PUDP: variants seen among roughly 807,000 people sequenced by gnomAD.
The protein encoded by PUDP is pseudouridine-5'-phosphatase.
A neutral mutation model predicts 9.4 loss-of-function variants in PUDP; 8 were observed. That is an observed-to-expected ratio of 0.85 (90% CI 0.50 to 1.53). The LOEUF is 1.53. Among genes scored for constraint, PUDP ranks in the 40% most tolerant of loss-of-function variants. PUDP has a pLI of 0.00. For missense variants in PUDP, 188 were observed against 189.7 expected, an observed-to-expected ratio of 0.99 and a Z score of 0.05; for synonymous variants, 99 against 80.7, an observed-to-expected ratio of 1.23 and a Z score of -1.22.
chrX:7,074,339 G>A (rs1268142167), intron 3 of PUDP, among the ~76,000 whole-genome samples: 2 of 112,229 alleles, frequency 1.8e-5, no homozygotes, highest in Non-Finnish European at 3.8e-5. Context: ...CACCGCCTAT[G>A]GCCTGGACAA....
chrX:6,894,919 C>T (rs1352891546), intron 3 of PUDP, among the ~76,000 whole-genome samples: 1 of 111,368 alleles, frequency 9.0e-6, no homozygotes, highest in Non-Finnish European at 1.9e-5. Flanking sequence ...GTGCACGTTT[C>T]AACAATTACT....
intron 2 of PUDP, among the ~76,000 whole-genome samples, chrX:7,099,641 C>T (rs761451798): frequency 1.8e-5 from 2 of 112,093 alleles, no homozygotes; most frequent in South Asian, 7.5e-4. Flanking sequence ...CACTCTGCCT[C>T]GTCTTTCAAG....
At chrX:6,968,203 T>C (rs921742579) in intron 3 of PUDP, among the ~76,000 whole-genome samples, 4 of 112,211 alleles carry the variant, frequency 3.6e-5, no homozygotes, top group Non-Finnish European at 7.5e-5. Context: ...GGGGACCCCT[T>C]GGCCCCTACA....
intron 1 of PUDP, 79 bp from the exon 2 acceptor site, chrX:7,105,917 A>G (rs1931870399): frequency 4.6e-6 from 3 of 645,769 alleles, no homozygotes; most frequent in African/African-American, 4.5e-5. Flanking sequence ...ATAAACATAC[A>G]CTGTGTAGGT....
At chrX:6,910,565 C>T (rs1047377828) in intron 3 of PUDP, among the ~76,000 whole-genome samples, 1 of 111,693 alleles carries the variant, frequency 9.0e-6, no homozygotes, top group Non-Finnish European at 1.9e-5. Context: ...GAAAGTGTCT[C>T]CAAGTTTGAG....
chrX:6,945,602 C>A (rs768378998), intron 3 of PUDP, among the ~76,000 whole-genome samples: 1 of 111,041 alleles, frequency 9.0e-6, no homozygotes, highest in Non-Finnish European at 1.9e-5. Context: ...GAAATTACTC[C>A]TTTTCAATTT....
intron 1 of PUDP, among the ~76,000 whole-genome samples, chrX:7,146,835 G>GTTTTTTTTTTTT (rs72051800): frequency 1.2e-5 from 1 of 83,019 alleles, no homozygotes. Flanking sequence ...GAGCTGCAGG[G>GTTTTTTTTTTTT]TTTTTTTTTT....
intron 3 of PUDP, among the ~76,000 whole-genome samples, chrX:6,759,427 G>C (rs1228465962): frequency 8.9e-6 from 1 of 112,044 alleles, no homozygotes; most frequent in Admixed American, 9.5e-5. Flanking sequence ...GTTCTCTGCA[G>C]AGAGCAGGGT....
intron 3 of PUDP, among the ~76,000 whole-genome samples, chrX:6,739,258 G>C (rs1023953187): frequency 5.4e-5 from 6 of 111,544 alleles, no homozygotes; most frequent in Non-Finnish European, 9.4e-5. Context: ...ATGGATGATA[G>C]GAACACTTCC....
Position 7,123,898 on chromosome X carries a change from C to T in PUDP, c.62-18060G>A, listed in dbSNP as rs1466741196. 2.7e-5 allele frequency among the ~76,000 whole-genome samples: 3 copies of T among 111,891 alleles called. No individual in the cohort carries two copies. The East Asian group carries it at 8.4e-4, about 31-fold the overall frequency. ...CCACAGAGCCCCAAAATACAAGCAG[C>T]AAAAACTGTCAAAACTGAAAGGGGA... On this transcript the variant is annotated intron_variant, in intron 1 of 3. Coordinates refer to ENST00000381077, the MANE Select transcript of PUDP (RefSeq NM_012080.5).
intron 1 of PUDP, among the ~76,000 whole-genome samples, chrX:6,719,460 T>A (rs927684428): frequency 8.9e-6 from 1 of 112,340 alleles, no homozygotes; most frequent in Non-Finnish European, 1.9e-5. Flanking sequence ...TGCCTAGGGA[T>A]TCCTGATTCA....
chrX:6,931,327 C>T (rs1427281856), intron 3 of PUDP, among the ~76,000 whole-genome samples: 1 of 111,814 alleles, frequency 8.9e-6, no homozygotes, highest in Non-Finnish European at 1.9e-5. Flanking sequence ...GGAATGTCAT[C>T]AATTTCATTA....
At chrX:7,002,045 T>G (rs1044811539) in intron 1 of PUDP, among the ~76,000 whole-genome samples, 6 of 111,711 alleles carry the variant, frequency 5.4e-5, no homozygotes, top group African/African-American at 1.9e-4. Context: ...AAGATGATAT[T>G]TGCAACACGT....
At chrX:6,759,714 A>C (rs1328373848) in intron 3 of PUDP, among the ~76,000 whole-genome samples, 1 of 111,760 alleles carries the variant, frequency 8.9e-6, no homozygotes, top group Non-Finnish European at 1.9e-5. Flanking sequence ...TTTTATTCTG[A>C]TCTTTTCCTT....
chrX:6,728,370 GCA>G (rs760397261), intron 3 of PUDP, among the ~76,000 whole-genome samples: 2 of 109,298 alleles, frequency 1.8e-5, no homozygotes, highest in Non-Finnish European at 3.8e-5. Context: ...ACACATACAT[GCA>G]CACACACACA....
At chrX:6,983,353 T>C (rs758508743) in intron 1 of PUDP, among the ~76,000 whole-genome samples, 40 of 111,242 alleles carry the variant, frequency 3.6e-4, no homozygotes, top group Non-Finnish European at 5.7e-4. Flanking sequence ...CGTTCTCTTC[T>C]GCTGAGTCAG....
chrX:6,875,342 C>A (rs1257143082), intron 3 of PUDP, among the ~76,000 whole-genome samples: 1 of 112,008 alleles, frequency 8.9e-6, no homozygotes, highest in Non-Finnish European at 1.9e-5. Flanking sequence ...TGAGCCACTG[C>A]ACCCGGCCCA....
rs935115688 is a variant in PUDP at position 6,903,659 on chromosome X, G to C, written c.*247+73474C>G. 4.5e-5 allele frequency among the ~76,000 whole-genome samples: 5 copies of C among 111,127 alleles called. No homozygotes were observed. The East Asian group carries it at 1.4e-3, about 31-fold the overall frequency. ...TACGGCAACATGGATGCAGCAGAAGGCCATCTATCTTAAGGGAATTAACTC... is the reference window on the plus strand; with the variant it reads ...TACGGCAACATGGATGCAGCAGAAGCCCATCTATCTTAAGGGAATTAACTC... On this transcript the variant is annotated intron_variant and NMD_transcript_variant, in intron 3 of 3. Transcript: ENST00000655425.
chrX:7,126,754 C>T (rs1932496182), intron 1 of PUDP, among the ~76,000 whole-genome samples: 1 of 111,299 alleles, frequency 9.0e-6, no homozygotes, highest in African/African-American at 3.3e-5. Context: ...GCCTCCACCA[C>T]GTAAGTTTGA....
Sources: gnomAD v4.1 joint callset for allele counts (sites outside exome capture counted in the v4.1 genomes callset) on GRCh38, gnomAD v4.1.1 for gene constraint, MANE v1.5 for transcripts, NCBI Gene and HGNC (gene_info 2026-07-23, HGNC 2026-07-21) for gene names.